TRIM24: variants seen among roughly 807,000 people sequenced by gnomAD.
TRIM24 encodes the protein tripartite motif containing 24.
TRIM24 carries 29 observed loss-of-function variants against 123.9 expected under a neutral mutation model. The ratio of observed to expected loss-of-function variants is 0.23; its 90% CI spans 0.17 to 0.32. The LOEUF is 0.32. TRIM24 is among the 10% of genes least tolerant of loss of function. The probability of loss-of-function intolerance (pLI) is 1.00; values close to 1 mark genes in which losing one functional copy is unlikely to be tolerated. For synonymous variants in TRIM24, 456 were observed against 461.1 expected (o/e 0.99, Z 0.14); for missense variants, 932 against 1,295.3 (o/e 0.72, Z 4.31).
rs1481143761 is a variant in TRIM24 at position 138,516,376 on chromosome 7, TG to T, written c.631+1018del. 2.6e-5 allele frequency among the ~76,000 whole-genome samples: 4 copies of T among 152,340 alleles called. No individual in the cohort carries two copies. The East Asian group carries it at 5.8e-4, about 22-fold the overall frequency. Reference sequence around the variant, plus strand: ...AGTAACTTCTAACCTATTTTCTTTTTGTTGAGAGTGAGTCTTGCTTTGTCAC... The same window carrying T: ...AGTAACTTCTAACCTATTTTCTTTTTTTGAGAGTGAGTCTTGCTTTGTCAC... On this transcript the variant is annotated intron_variant, in intron 3 of 18. Transcript: ENST00000343526.
chr7:138,562,106 A>G (rs1473996477), intron 9 of TRIM24, among the ~76,000 whole-genome samples: 1 of 152,144 alleles, frequency 6.6e-6, no homozygotes, highest in Non-Finnish European at 1.5e-5. Flanking sequence ...CAGGAGATGG[A>G]GGAGGTCTTG....
chr7:138,551,197 A>G lies in TRIM24; in HGVS notation c.1261+17A>G. 6.4e-7 allele frequency: 1 copy of G among 1,571,634 alleles called. No individual in the cohort carries two copies. Among genetic ancestry groups the G allele is most frequent in the East Asian group, 2.2e-5 (1 of 44,670 alleles). On this transcript the variant is annotated intron_variant, in intron 8 of 18. Transcript: ENST00000343526. ...TCAACTTAGGTGGGCCATTACCATTACATACATTTCTCAGTGGCATTTGTC... is the reference window on the plus strand; with the variant it reads ...TCAACTTAGGTGGGCCATTACCATTGCATACATTTCTCAGTGGCATTTGTC...
At chr7:138,508,674 T>TGC (rs1554436576) in intron 2 of TRIM24, among the ~76,000 whole-genome samples, 23 of 55,462 alleles carry the variant, frequency 4.1e-4, no homozygotes, top group African/African-American at 8.5e-4. Flanking sequence ...TGTGTGTGTG[T>TGC]GTGTGTGTGT....
At chr7:138,555,075 T>A in intron 9 of TRIM24, 109 bp downstream of exon 9, 1 of 1,161,542 alleles carries the variant, frequency 8.6e-7, no homozygotes, top group Non-Finnish European at 1.2e-6. Context: ...TATCTGCATT[T>A]ATAAAAATTT....
At chr7:138,578,800 AAGG>A (rs1797828854) in intron 14 of TRIM24, among the ~76,000 whole-genome samples, 1 of 152,174 alleles carries the variant, frequency 6.6e-6, no homozygotes, top group South Asian at 2.1e-4. Flanking sequence ...AAAACATTTG[AAGG>A]AGATTGTTTT....
intron 11 of TRIM24, among the ~76,000 whole-genome samples, chr7:138,572,461 AAATTCTTTCT>A (rs200747050): frequency 0.43 from 65,503 of 151,694 alleles, 14,964 homozygotes; most frequent in Middle Eastern, 0.48. Context: ...ACAGAAAGTA[AAATTCTTTCT>A]GCTTTTTCCT....
intron 1 of TRIM24, among the ~76,000 whole-genome samples, chr7:138,486,083 A>G (rs1187336739): frequency 6.6e-6 from 1 of 152,188 alleles, no homozygotes; most frequent in East Asian, 1.9e-4. Flanking sequence ...TATTTCTCTG[A>G]TGACCAGTGA....
chr7:138,461,872 T>C (rs1027010377), intron 1 of TRIM24, among the ~76,000 whole-genome samples: 4 of 152,212 alleles, frequency 2.6e-5, no homozygotes, highest in African/African-American at 9.6e-5. Context: ...AAAATGCTAA[T>C]TAAGTAATTA....
chr7:138,547,615 C>A (rs1797127870), intron 7 of TRIM24, among the ~76,000 whole-genome samples: 1 of 152,126 alleles, frequency 6.6e-6, no homozygotes, highest in African/African-American at 2.4e-5. Context: ...TTATGGTTAG[C>A]ATGACTGCTG....
intron 6 of TRIM24, among the ~76,000 whole-genome samples, 159 bp downstream of exon 6, chr7:138,529,389 G>T (rs1384469735): frequency 6.6e-6 from 1 of 151,994 alleles, no homozygotes; most frequent in Admixed American, 6.6e-5. Flanking sequence ...TTGTATTGTA[G>T]CTGACAATTT....
intron 9 of TRIM24, among the ~76,000 whole-genome samples, chr7:138,560,187 T>C (rs899934122): frequency 6.6e-6 from 1 of 152,212 alleles, no homozygotes; most frequent in Admixed American, 6.5e-5. Context: ...AAGTGTCCAA[T>C]TCATGTGTTC....
In TRIM24 at chr7:138,531,325, G is replaced by A. The variant is rs1487453204; in HGVS notation, c.996+2095G>A. 8.7e-5 allele frequency among the ~76,000 whole-genome samples: 13 copies of A among 148,578 alleles called. No homozygotes were observed. In the East Asian group the frequency reaches 1.2e-3, roughly 13 times the overall value. On this transcript the variant is annotated intron_variant, in intron 6 of 18. Coordinates refer to ENST00000343526, the MANE Select transcript of TRIM24 (RefSeq NM_015905.3). The stretch of plus-strand genomic sequence containing the variant: ...GTTCGTGTGCTGCACCCATTAACTC[G>A]TTATTTACATTAGGTATATCTCCCA...
At chr7:138,533,900 A>G (rs1796805701) in intron 6 of TRIM24, among the ~76,000 whole-genome samples, 1 of 152,044 alleles carries the variant, frequency 6.6e-6, no homozygotes. Context: ...AGAGCCTGTT[A>G]TTGGTCTATT....
Position 138,466,463 on chromosome 7 carries a change from C to CTTTTTTTTTTTTTT in TRIM24, c.364+5556_364+5569dup, listed in dbSNP as rs577317171. On this transcript the variant is annotated intron_variant, in intron 1 of 18. Coordinates refer to ENST00000343526, the MANE Select transcript of TRIM24 (RefSeq NM_015905.3). The stretch of plus-strand genomic sequence containing the variant: ...TTTGCAAATTTCAAAACTTAAGTTG[C>CTTTTTTTTTTTTTT]TTTTTTTTTTTTTTTTTTGGAGACA... Among the ~76,000 whole-genome samples, 75 of 74,052 alleles carry CTTTTTTTTTTTTTT rather than the reference C, an allele frequency of 1.0e-3. 9 individuals carry two copies. Among genetic ancestry groups the CTTTTTTTTTTTTTT allele is most frequent in the Admixed American group, 1.3e-3 (6 of 4,458 alleles). 48.6% of individuals were successfully genotyped at this position (74,052 alleles called of 152,430 possible).
In TRIM24 at chr7:138,580,701, C is replaced by T; in HGVS notation, c.2718+7C>T. ...AACACCTATAGATAAAAGGGTAAGT[C>T]TTTGGTAAGATGCATTATTGTATTG... On this transcript the variant is annotated splice_region_variant and intron_variant, in intron 16 of 18. Transcript: ENST00000343526. 1 of 1,611,670 alleles carries T rather than the reference C, an allele frequency of 6.2e-7. No homozygotes were observed. Among genetic ancestry groups the T allele is most frequent in the Non-Finnish European group, 8.5e-7 (1 of 1,178,890 alleles).
chr7:138,505,144 A>G (rs1188058112), intron 2 of TRIM24, among the ~76,000 whole-genome samples: 1 of 152,226 alleles, frequency 6.6e-6, no homozygotes, highest in Non-Finnish European at 1.5e-5. Flanking sequence ...TAATTGATCT[A>G]TAAAGTTATA....
At chr7:138,463,672 TATC>T (rs1211779314) in intron 1 of TRIM24, among the ~76,000 whole-genome samples, 26 of 152,230 alleles carry the variant, frequency 1.7e-4, no homozygotes, top group African/African-American at 6.3e-4. Context: ...GTCGTAAAGT[TATC>T]ATCCTCAATT....
chr7:138,510,766 C>T (rs980652750), intron 2 of TRIM24, among the ~76,000 whole-genome samples: 2 of 152,190 alleles, frequency 1.3e-5, no homozygotes, highest in African/African-American at 4.8e-5. Flanking sequence ...TAAATCTTCT[C>T]TGTGCAGTTA....
chr7:138,570,706 C>T, intron 10 of TRIM24, 124 bp from the exon 11 acceptor site: 1 of 813,026 alleles, frequency 1.2e-6, no homozygotes, highest in Non-Finnish European at 1.8e-6. Flanking sequence ...CTTTTGCTGT[C>T]CCATTCTCCT....
Sources: allele counts gnomAD v4.1 joint callset (sites outside exome capture counted in the v4.1 genomes callset), GRCh38; gene constraint gnomAD v4.1.1; transcripts MANE v1.5; gene names NCBI Gene and HGNC (gene_info 2026-07-23, HGNC 2026-07-21).